The following SSU72L6 variants were observed in gnomAD, a reference collection of about 807,000 sequenced individuals.
SSU72L6 encodes RNA polymerase II subunit A C-terminal domain phosphatase SSU72 like protein 6.
chr7:124,476,384 C>T, the SSU72L6 span: 1 of 777,260 alleles, frequency 1.3e-6, no homozygotes, highest in East Asian at 2.4e-5. Flanking sequence ...CTCTCCTCCC[C>T]ACTCAGGGTG....
At chr7:124,477,022 T>G in the SSU72L6 span, 1 of 636,152 alleles carries the variant, frequency 1.6e-6, no homozygotes. Flanking sequence ...TCCAGATTGA[T>G]TGTGAGAAGT....
the SSU72L6 span, chr7:124,476,439 C>CA: frequency 1.3e-6 from 1 of 779,922 alleles, no homozygotes; most frequent in Non-Finnish European, 2.4e-6. Flanking sequence ...TGGAGGCCCA[C>CA]AGCATCCTCA....
the SSU72L6 span, among the ~76,000 whole-genome samples, chr7:124,477,311 T>C: frequency 6.6e-6 from 1 of 152,174 alleles, no homozygotes; most frequent in Non-Finnish European, 1.5e-5. Context: ...TTTAAGGGTA[T>C]TCAGCAGATA....
At chr7:124,476,744 C>A in the SSU72L6 span, 4 of 780,568 alleles carry the variant, frequency 5.1e-6, no homozygotes, top group Admixed American at 3.4e-5. Context: ...GATCTGTGTT[C>A]CAGAGAACAG....
chr7:124,476,875 G>A, the SSU72L6 span: 1 of 765,590 alleles, frequency 1.3e-6, no homozygotes, highest in Non-Finnish European at 2.4e-6. Flanking sequence ...CGACGACATG[G>A]AAGACAGTCT....
At chr7:124,476,634 T>C in the SSU72L6 span, 41 of 780,522 alleles carry the variant, frequency 5.3e-5, no homozygotes, top group African/African-American at 6.1e-4. Context: ...TGGGAAGAAA[T>C]GAGAGAATCA....
At chr7:124,476,709 G>A in the SSU72L6 span, 1 of 780,578 alleles carries the variant, frequency 1.3e-6, no homozygotes, top group African/African-American at 1.7e-5. Context: ...CCTGTGAGGA[G>A]CGTGTCTATG....
At chr7:124,476,670 A>G in the SSU72L6 span, 1 of 780,724 alleles carries the variant, frequency 1.3e-6, no homozygotes. Flanking sequence ...GATTTCAGGA[A>G]TGCACTGAAT....
chr7:124,476,900 T>C, the SSU72L6 span: 1 of 764,524 alleles, frequency 1.3e-6, no homozygotes, highest in Non-Finnish European at 2.4e-6. Flanking sequence ...GAGCTGCTGT[T>C]GCAAATGGAG....
At chr7:124,477,127 GAGA>G in the SSU72L6 span, among the ~76,000 whole-genome samples, 3 of 152,192 alleles carry the variant, frequency 2.0e-5, no homozygotes, top group Non-Finnish European at 4.4e-5. Context: ...TATGGGAAAT[GAGA>G]AGGACTAACA....
the SSU72L6 span, chr7:124,477,105 A>G: frequency 8.8e-5 from 52 of 591,452 alleles, no homozygotes; most frequent in Non-Finnish European, 1.4e-4. Context: ...GACTATTACC[A>G]AGAAAATATT....
chr7:124,477,338 T>A, the SSU72L6 span, among the ~76,000 whole-genome samples: 5 of 152,242 alleles, frequency 3.3e-5, no homozygotes, highest in South Asian at 4.1e-4. Flanking sequence ...ATTGTATAGA[T>A]AAGCACCTTT....
chr7:124,476,335 G>A, the SSU72L6 span: 11 of 736,954 alleles, frequency 1.5e-5, no homozygotes, highest in East Asian at 7.4e-5. Context: ...AGCAGCTGAG[G>A]TGCCTGTGTC....
At chr7:124,476,510 G>T in the SSU72L6 span, 1 of 780,688 alleles carries the variant, frequency 1.3e-6, no homozygotes, top group Non-Finnish European at 2.4e-6. Flanking sequence ...CTACCAGGAC[G>T]AAGACCCAAT....
the SSU72L6 span, chr7:124,476,816 T>A: frequency 2.6e-6 from 2 of 774,446 alleles, no homozygotes; most frequent in Non-Finnish European, 4.8e-6. Flanking sequence ...GAAGGTGCCA[T>A]CCTGGGAGCT....
At chr7:124,476,386 C>T in the SSU72L6 span, 2 of 777,558 alleles carry the variant, frequency 2.6e-6, no homozygotes, top group East Asian at 4.9e-5. Context: ...CTCCTCCCCA[C>T]TCAGGGTGGC....
the SSU72L6 span, chr7:124,476,715 C>A: frequency 1.3e-6 from 1 of 780,664 alleles, no homozygotes; most frequent in Non-Finnish European, 2.4e-6. Flanking sequence ...AGGAGCGTGT[C>A]TATGACACAG....
the SSU72L6 span, chr7:124,476,843 T>G: frequency 1.3e-6 from 1 of 769,548 alleles, no homozygotes; most frequent in Non-Finnish European, 2.4e-6. Flanking sequence ...ATCTGTGAGA[T>G]TTGCCAGTGC....
chr7:124,476,930 T>G, the SSU72L6 span: 1 of 761,704 alleles, frequency 1.3e-6, no homozygotes, highest in Non-Finnish European at 2.4e-6. Flanking sequence ...GGAAAAAGCT[T>G]TCTTCACACC....
Sources: allele counts gnomAD v4.1 joint callset (sites outside exome capture counted in the v4.1 genomes callset), GRCh38; gene constraint gnomAD v4.1.1; transcripts MANE v1.5; gene names NCBI Gene and HGNC (gene_info 2026-07-23, HGNC 2026-07-21).